The following SEC63 variants were observed in gnomAD, a reference collection of about 807,000 sequenced individuals.
SEC63 encodes the protein translocation protein SEC63 homolog.
SEC63 carries 56 observed loss-of-function variants against 116.2 expected under a neutral mutation model. The observed-to-expected ratio is 0.48, with a 90% confidence interval of 0.39 to 0.60. SEC63 has a LOEUF of 0.60. SEC63 is among the 20% of genes least tolerant of loss of function. The probability of loss-of-function intolerance (pLI) is 0.00; values close to 1 mark genes in which losing one functional copy is unlikely to be tolerated. For missense variants in SEC63, 668 were observed against 900.0 expected (o/e 0.74, Z 3.30); for synonymous variants, 273 against 294.6 (o/e 0.93, Z 0.75).
intron 4 of SEC63, among the ~76,000 whole-genome samples, chr6:107,916,495 A>G (rs1787402686): frequency 6.6e-6 from 1 of 152,280 alleles, no homozygotes; most frequent in Non-Finnish European, 1.5e-5. Flanking sequence ...TGTCATTTAC[A>G]TGCCACTTTC....
intron 1 of SEC63, among the ~76,000 whole-genome samples, chr6:107,941,386 G>A (rs951650945): frequency 4.0e-5 from 6 of 151,766 alleles, no homozygotes; most frequent in Admixed American, 1.3e-4. Context: ...CTACTACTTA[G>A]AAGCTTCCTC....
intron 1 of SEC63, among the ~76,000 whole-genome samples, chr6:107,934,997 G>A (rs1174277898): frequency 1.6e-5 from 2 of 124,704 alleles, no homozygotes; most frequent in African/African-American, 3.2e-5. Context: ...GAGGTGGGGG[G>A]GTCAGCCCCC....
At chr6:107,948,804 A>G (rs1324909481) in intron 1 of SEC63, among the ~76,000 whole-genome samples, 1 of 152,170 alleles carries the variant, frequency 6.6e-6, no homozygotes. Context: ...GAAGGTAACC[A>G]CACCTAAACA....
intron 1 of SEC63, 71 bp downstream of exon 1, chr6:107,957,815 C>G: frequency 1.4e-6 from 2 of 1,390,742 alleles, no homozygotes; most frequent in Non-Finnish European, 9.3e-7. Context: ...GCCGGGCAAG[C>G]GGGCGCCGCA....
At chr6:107,931,797 A>T (rs190592500) in intron 1 of SEC63, 1 of 148,638 alleles carries the variant, frequency 6.7e-6, no homozygotes, top group Admixed American at 6.8e-5. Flanking sequence ...CCTTTTTAAG[A>T]AGATGGCACC....
Position 107,912,769 on chromosome 6 carries a change from T to A in SEC63, c.520A>T (p.Ser174Cys). The part of the protein sequence containing the change: ...FGNPDGPQAT[S>C]FGIALPAWIV... ...CAAGCTGGCAGGGCAATTCCAAAGC[T>A]TGTGGCTGAAATAGAAAAAATATCA... The change falls in exon 6 of 21, where the codon AGC becomes TGC. Residue 174 changes from serine to cysteine, a missense_variant. Around this residue, in one of 5 missense-constraint regions of SEC63, gnomAD observed 430 missense variants for 557.5 expected, o/e 0.77. Coordinates refer to ENST00000369002, the MANE Select transcript of SEC63 (RefSeq NM_007214.5). 1 of 1,610,386 alleles carries A rather than the reference T, an allele frequency of 6.2e-7. No individual in the cohort carries two copies. Among genetic ancestry groups the A allele is most frequent in the South Asian group, 1.1e-5 (1 of 90,916 alleles).
intron 1 of SEC63, among the ~76,000 whole-genome samples, chr6:107,949,730 A>C (rs946120024): frequency 1.3e-5 from 2 of 152,144 alleles, no homozygotes; most frequent in Non-Finnish European, 2.9e-5. Flanking sequence ...CCTGGGCTCA[A>C]GTGATCCTCC....
In SEC63 at chr6:107,884,250, C is replaced by CA. The variant is rs35806948; in HGVS notation, c.1675-1105dup. 4.0e-3 allele frequency among the ~76,000 whole-genome samples: 449 copies of CA among 111,872 alleles called. 5 individuals are homozygous for CA. The highest frequency in any genetic ancestry group is 0.013 in the African/African-American group (389 of 30,150). The allele number at this position is 111,872 out of a possible 152,430, so 73.4% of individuals were successfully genotyped here. A position where few individuals can be genotyped will look rare whatever the true frequency, so the allele number is the denominator to read the frequency against. ...TGGGTAACAGAGCATGACTCTGTCT[C>CA]AAAAAAAAAAAAAAAAAGAGCAGAG... On this transcript the variant is annotated intron_variant, in intron 16 of 20. Transcript: ENST00000369002.
chr6:107,948,001 G>C (rs546744873), intron 1 of SEC63, among the ~76,000 whole-genome samples: 36 of 152,278 alleles, frequency 2.4e-4, no homozygotes, highest in African/African-American at 5.1e-4. Context: ...TGAGTTGGTC[G>C]TAAGTGCCAA....
intron 3 of SEC63, among the ~76,000 whole-genome samples, chr6:107,923,789 G>C (rs1196422786): frequency 6.6e-6 from 1 of 151,278 alleles, no homozygotes; most frequent in Non-Finnish European, 1.5e-5. Context: ...CAAAGTGCTA[G>C]GATTACAGGT....
chr6:107,941,933 A>T (rs1770386811), intron 1 of SEC63, among the ~76,000 whole-genome samples: 1 of 152,248 alleles, frequency 6.6e-6, no homozygotes, highest in Non-Finnish European at 1.5e-5. Flanking sequence ...CAGTGTACAA[A>T]TTGAAAGAGA....
intron 18 of SEC63, chr6:107,880,887 C>A: frequency 2.5e-6 from 1 of 404,406 alleles, no homozygotes; most frequent in Non-Finnish European, 4.6e-6. Context: ...ACACATAACA[C>A]TCAGTAATCA....
intron 16 of SEC63, among the ~76,000 whole-genome samples, chr6:107,884,429 T>C (rs998312003): frequency 4.6e-5 from 7 of 151,910 alleles, no homozygotes; most frequent in Admixed American, 4.6e-4. Context: ...CAACAGACAT[T>C]AAAAGAAAAT....
At chr6:107,891,695 T>C (rs188859220) in intron 16 of SEC63, among the ~76,000 whole-genome samples, 47 of 152,312 alleles carry the variant, frequency 3.1e-4, no homozygotes, top group African/African-American at 1.1e-3. Context: ...TCTGCGTGGA[T>C]TTATCTACCT....
intron 4 of SEC63, among the ~76,000 whole-genome samples, chr6:107,919,155 C>A (rs1247733966): frequency 2.6e-5 from 4 of 152,134 alleles, no homozygotes; most frequent in Non-Finnish European, 5.9e-5. Flanking sequence ...AGGTGATCCA[C>A]CTGCCTCGGC....
At chr6:107,906,803 G>T (rs749286452) in intron 8 of SEC63, 26 bp from the exon 9 acceptor site, 4 of 1,522,504 alleles carry the variant, frequency 2.6e-6, no homozygotes, top group Non-Finnish European at 3.6e-6. Flanking sequence ...AAATATGAAG[G>T]TAAATAAATA....
chr6:107,925,110 C>G (rs531104661), intron 2 of SEC63, among the ~76,000 whole-genome samples, 178 bp from the exon 3 acceptor site: 4 of 152,270 alleles, frequency 2.6e-5, no homozygotes, highest in Admixed American at 2.0e-4. Context: ...GTCTTTTTTA[C>G]CTCTGCATTC....
chr6:107,895,135 ATTCTTTTCTTTACTCCAGGGCAG>A (rs1786785376), intron 14 of SEC63, among the ~76,000 whole-genome samples: 2 of 152,182 alleles, frequency 1.3e-5, no homozygotes, highest in Non-Finnish European at 2.9e-5. Context: ...GATAAAAACA[ATTCTTTTCTTTACTCCAGGGCAG>A]TTCCATTCCA....
rs894087782 is a variant in SEC63, at chr6:107,945,932, G to GTTTA, written c.124+11950_124+11953dup. 2.0e-3 allele frequency among the ~76,000 whole-genome samples: 305 copies of GTTTA among 151,796 alleles called. 1 individual carries two copies. Among genetic ancestry groups the GTTTA allele is most frequent in the Middle Eastern group, 6.8e-3 (2 of 294 alleles). On this transcript the variant is annotated intron_variant, in intron 1 of 20. Coordinates refer to ENST00000369002, the MANE Select transcript of SEC63 (RefSeq NM_007214.5). ...TTTTTTTCCTGTATTTTGTTTGTTTGTTTATTTATTTATTTATTTTTTGAG... is the reference window on the plus strand; with the variant it reads ...TTTTTTTCCTGTATTTTGTTTGTTTGTTTATTTATTTATTTATTTATTTTTTGAG...
Sources: gnomAD v4.1 joint callset for allele counts (sites outside exome capture counted in the v4.1 genomes callset) on GRCh38, gnomAD v4.1.1 for gene constraint, gnomAD v4.1.1 regional missense constraint, MANE v1.5 for transcripts, NCBI Gene and HGNC (gene_info 2026-07-23, HGNC 2026-07-21) for gene names.